The following CDH12 variants were observed in gnomAD, a reference collection of about 807,000 sequenced individuals.
The protein encoded by CDH12 is cadherin-12.
Under a neutral mutation model 74.1 loss-of-function variants are expected in CDH12, and 41 were observed. The observed-to-expected ratio is 0.55, with a 90% CI of 0.43 to 0.72. CDH12 has a LOEUF of 0.72. Among genes scored for constraint, CDH12 ranks in the 30% least tolerant of loss-of-function variants. The pLI is 0.00. For missense variants in CDH12, 945 were observed against 977.2 expected (o/e 0.97, Z 0.44); for synonymous variants, 399 against 355.0 (o/e 1.12, Z -1.39).
In CDH12 at chr5:22,766,879, G is replaced by A. The variant is rs565020381; in HGVS notation, c.-523+86179C>T. Among the ~76,000 whole-genome samples the A allele has an allele frequency of 7.9e-5, 12 of 152,142 alleles. No individual in the cohort carries two copies. The South Asian group carries it at 2.3e-3, about 29-fold the overall frequency. On this transcript the variant is annotated intron_variant, in intron 1 of 14. Coordinates refer to ENST00000382254, the MANE Select transcript of CDH12 (RefSeq NM_004061.5). ...CAAATATTACACAATTTTATCTAAGGAACTTGAACATCTGCAGATTTTCGT... is the reference window on the plus strand; with the variant it reads ...CAAATATTACACAATTTTATCTAAGAAACTTGAACATCTGCAGATTTTCGT...
chr5:22,094,766 T>G, intron 4 of CDH12, among the ~76,000 whole-genome samples: 1 of 152,150 alleles, frequency 6.6e-6, no homozygotes, highest in East Asian at 1.9e-4. Context: ...CACATCCAGA[T>G]GGCCGGTTCC....
At position 22,322,340 on chromosome 5, in the gene CDH12, TTTC is replaced by T. The variant is rs1738919564; in HGVS notation, c.-333+82914_-333+82916del. ...TCATCCCTTTAAGAAAATCTGAAGG[TTTC>T]ATAAATATATTTCAGCTTTATTTAA... is the stretch of plus-strand genomic sequence containing the variant. On this transcript the variant is annotated intron_variant, in intron 3 of 14. Coordinates refer to ENST00000382254, the MANE Select transcript of CDH12 (RefSeq NM_004061.5). Among the ~76,000 whole-genome samples the T allele has an allele frequency of 4.1e-5, 6 of 147,604 alleles. No individual in the cohort carries two copies. In the East Asian group the frequency reaches 1.0e-3, roughly 25 times the overall value.
intron 4 of CDH12, among the ~76,000 whole-genome samples, chr5:22,137,155 C>A (rs1230325889): frequency 6.6e-6 from 1 of 151,902 alleles, no homozygotes; most frequent in Non-Finnish European, 1.5e-5. Flanking sequence ...ACTTGCCTTA[C>A]AAATTTTCTT....
chr5:22,771,989 G>A (rs959654073), intron 1 of CDH12, among the ~76,000 whole-genome samples: 3 of 151,792 alleles, frequency 2.0e-5, no homozygotes, highest in African/African-American at 4.8e-5. Context: ...CAACTATAGA[G>A]GACATAATTA....
intron 1 of CDH12, among the ~76,000 whole-genome samples, chr5:22,806,930 A>T (rs1231515130): frequency 6.6e-6 from 1 of 152,100 alleles, no homozygotes; most frequent in Non-Finnish European, 1.5e-5. Context: ...GTTGCCTAGT[A>T]ACTCTGATGA....
At chr5:22,131,260 A>C (rs1027977613) in intron 4 of CDH12, among the ~76,000 whole-genome samples, 52 of 152,040 alleles carry the variant, frequency 3.4e-4, no homozygotes, top group Non-Finnish European at 7.1e-4. Context: ...GGAATTCGGC[A>C]TTGGCTACCA....
At chr5:22,712,316 A>AT in intron 1 of CDH12, among the ~76,000 whole-genome samples, 1 of 152,232 alleles carries the variant, frequency 6.6e-6, no homozygotes, top group East Asian at 1.9e-4. Flanking sequence ...CAGTATATTC[A>AT]TTGGTACTAA....
intron 1 of CDH12, among the ~76,000 whole-genome samples, chr5:22,597,414 T>G (rs1256402424): frequency 6.6e-6 from 1 of 152,198 alleles, no homozygotes. Context: ...TCAGGCTTTC[T>G]TACAGTACAT....
At position 22,639,623 on chromosome 5, in the gene CDH12, G is replaced by C. The variant is rs528502391; in HGVS notation, c.-522-134259C>G. Among the ~76,000 whole-genome samples the C allele has an allele frequency of 2.0e-5, 3 of 152,068 alleles. No individual in the cohort carries two copies. In the South Asian group the frequency reaches 6.2e-4, roughly 32 times the overall value. On this transcript the variant is annotated intron_variant, in intron 1 of 14. Transcript: ENST00000382254. ...TGAACGTGCTAGTTTACGAGACTTGGAAATAACATTTTTACTTTCCAGTTT... is the reference window on the plus strand; with the variant it reads ...TGAACGTGCTAGTTTACGAGACTTGCAAATAACATTTTTACTTTCCAGTTT...
intron 4 of CDH12, 87 bp from the exon 5 acceptor site, chr5:22,078,949 T>A: frequency 1.8e-6 from 1 of 555,280 alleles, no homozygotes; most frequent in Non-Finnish European, 2.5e-6. Context: ...TGCCAACATT[T>A]AAGGAAACCG....
chr5:22,512,427 T>C (rs1047433325), intron 1 of CDH12, among the ~76,000 whole-genome samples: 4 of 152,064 alleles, frequency 2.6e-5, no homozygotes, highest in Non-Finnish European at 5.9e-5. Context: ...AAATGTAAGC[T>C]GAGAGACATG....
chr5:22,383,884 A>G (rs1380668963), intron 3 of CDH12, among the ~76,000 whole-genome samples: 1 of 152,116 alleles, frequency 6.6e-6, no homozygotes, highest in Non-Finnish European at 1.5e-5. Flanking sequence ...TGTAATGTAT[A>G]CAATCTCCCT....
intron 4 of CDH12, among the ~76,000 whole-genome samples, chr5:22,208,842 T>C (rs1751372198): frequency 6.6e-6 from 1 of 152,236 alleles, no homozygotes; most frequent in African/African-American, 2.4e-5. Flanking sequence ...ATAGATCATA[T>C]TCATTCTTTT....
intron 1 of CDH12, among the ~76,000 whole-genome samples, chr5:22,591,127 T>A (rs1164086581): frequency 1.3e-5 from 2 of 152,192 alleles, no homozygotes; most frequent in Non-Finnish European, 2.9e-5. Context: ...AACTCCCCCT[T>A]ACCTAAATGC....
At chr5:22,159,147 T>C (rs1461601568) in intron 4 of CDH12, among the ~76,000 whole-genome samples, 2 of 151,760 alleles carry the variant, frequency 1.3e-5, no homozygotes, top group African/African-American at 4.8e-5. Context: ...AAAGACCTAG[T>C]AAAAAATCAG....
At chr5:22,027,072 C>T (rs1292298224) in intron 5 of CDH12, among the ~76,000 whole-genome samples, 2 of 152,222 alleles carry the variant, frequency 1.3e-5, no homozygotes, top group East Asian at 3.9e-4. Context: ...TTGAGATAAT[C>T]ATGTGGTTTT....
At chr5:22,535,844 C>G (rs140544933) in intron 1 of CDH12, among the ~76,000 whole-genome samples, 3 of 152,270 alleles carry the variant, frequency 2.0e-5, no homozygotes, top group South Asian at 2.1e-4. Flanking sequence ...TATTCATGGG[C>G]TCTGCATTCT....
chr5:21,762,673 G>C (rs1744790144), intron 12 of CDH12, among the ~76,000 whole-genome samples: 1 of 151,964 alleles, frequency 6.6e-6, no homozygotes, highest in Non-Finnish European at 1.5e-5. Context: ...TTCCTCAAAA[G>C]TTTATTCAGA....
At chr5:22,687,708 C>T (rs1200557198) in intron 1 of CDH12, among the ~76,000 whole-genome samples, 2 of 152,206 alleles carry the variant, frequency 1.3e-5, no homozygotes, top group Non-Finnish European at 2.9e-5. Context: ...AGCCACTGTG[C>T]CTGGCTCATG....
Sources: allele counts gnomAD v4.1 joint callset (sites outside exome capture counted in the v4.1 genomes callset), GRCh38; gene constraint gnomAD v4.1.1; transcripts MANE v1.5; gene names NCBI Gene and HGNC (gene_info 2026-07-23, HGNC 2026-07-21).